DNAH7: variants seen among roughly 807,000 people sequenced by gnomAD.
The protein encoded by DNAH7 is dynein axonemal heavy chain 7.
In DNAH7, 397 loss-of-function variants were observed where a neutral mutation model predicts 444.6. The observed-to-expected ratio is 0.89, with a 90% CI of 0.82 to 0.97. The LOEUF (loss-of-function observed/expected upper bound fraction) is 0.97. DNAH7 is among the 50% of genes least tolerant of loss of function. The pLI is 0.00. For missense variants in DNAH7, 4,902 were observed against 4,800.8 expected, an observed-to-expected ratio of 1.02 and a Z score of -0.62; for synonymous variants, 1,636 against 1,624.4, an observed-to-expected ratio of 1.01 and a Z score of -0.17.
At chr2:195,781,704 A>G (rs980896880) in intron 58 of DNAH7, among the ~76,000 whole-genome samples, 3 of 150,668 alleles carry the variant, frequency 2.0e-5, no homozygotes, top group African/African-American at 7.3e-5. Flanking sequence ...TAGTTATCAA[A>G]AAGGGGAAAT....
chr2:195,795,059 G>A (rs1696070146), intron 56 of DNAH7, among the ~76,000 whole-genome samples: 4 of 152,132 alleles, frequency 2.6e-5, no homozygotes, highest in Non-Finnish European at 5.9e-5. Context: ...GGAGACAGAT[G>A]AACCATAAGC....
chr2:196,033,111 A>T (rs1696163034), intron 5 of DNAH7, among the ~76,000 whole-genome samples: 1 of 151,806 alleles, frequency 6.6e-6, no homozygotes, highest in African/African-American at 2.4e-5. Flanking sequence ...AAAGATATCT[A>T]TTTCCTTTAC....
At chr2:195,964,257 T>C (rs912922077) in intron 17 of DNAH7, among the ~76,000 whole-genome samples, 4 of 152,336 alleles carry the variant, frequency 2.6e-5, no homozygotes, top group African/African-American at 9.6e-5. Flanking sequence ...TTTAACAATA[T>C]TGATTCTTCA....
intron 22 of DNAH7, 73 bp from the exon 23 acceptor site, chr2:195,923,880 G>C: frequency 8.1e-7 from 1 of 1,228,888 alleles, no homozygotes; most frequent in South Asian, 1.3e-5. Flanking sequence ...TTCTGAACTA[G>C]TATATATACA....
intron 30 of DNAH7, chr2:195,894,729 G>A: frequency 3.7e-6 from 1 of 268,052 alleles, no homozygotes; most frequent in East Asian, 7.0e-5. Flanking sequence ...TTCTACAAGA[G>A]ACATGTATTA....
intron 49 of DNAH7, 69 bp from the exon 50 acceptor site, chr2:195,817,898 A>G: frequency 8.1e-7 from 1 of 1,234,642 alleles, no homozygotes; most frequent in South Asian, 1.6e-5. Flanking sequence ...TTTATGTGTC[A>G]AGTTCTGCCC....
rs779989120 is a variant in DNAH7 at position 195,906,699 on chromosome 2, G to T, written c.4295C>A (p.Pro1432His). The change falls in exon 27 of 65, where the codon CCT becomes CAT. Residue 1432 changes from proline to histidine, a missense_variant. By Grantham distance (77) the Pro-to-His change is moderately conservative. Coordinates refer to ENST00000312428, the MANE Select transcript of DNAH7 (RefSeq NM_018897.3). ...PTCAVFITMNPGYAGRSELPD... is the reference protein window; with the variant it reads ...PTCAVFITMNHGYAGRSELPD... Reference sequence around the variant, plus strand: ...CAGTTCTGATCGCCCAGCATACCCAGGGTTCATTGTTATAAAGACAGCACA... The same window carrying T: ...CAGTTCTGATCGCCCAGCATACCCATGGTTCATTGTTATAAAGACAGCACA... The T allele has an allele frequency of 6.2e-7, 1 of 1,613,152 alleles. No individual in the cohort carries two copies. The highest frequency in any genetic ancestry group is 8.5e-7 in the Non-Finnish European group (1 of 1,179,500).
At chr2:196,015,864 C>A (rs1018504949) in intron 9 of DNAH7, among the ~76,000 whole-genome samples, 1 of 152,268 alleles carries the variant, frequency 6.6e-6, no homozygotes, top group Admixed American at 6.5e-5. Context: ...ACTGTCCCCC[C>A]ACTCTTAATA....
At chr2:195,790,186 C>G (rs1165609651) in intron 57 of DNAH7, among the ~76,000 whole-genome samples, 2 of 152,034 alleles carry the variant, frequency 1.3e-5, no homozygotes, top group African/African-American at 4.8e-5. Flanking sequence ...GTGACCTAAA[C>G]AAATGGAAAA....
chr2:195,893,059 G>C (rs1702110944), intron 30 of DNAH7: 1 of 151,110 alleles, frequency 6.6e-6, no homozygotes, highest in South Asian at 2.1e-4. Flanking sequence ...TCTCACCTCA[G>C]CCTCCTGAGT....
At chr2:195,948,052 G>C (rs1361757512) in intron 19 of DNAH7, among the ~76,000 whole-genome samples, 1 of 152,122 alleles carries the variant, frequency 6.6e-6, no homozygotes, top group Non-Finnish European at 1.5e-5. Context: ...CAGTGATAAT[G>C]AGCTTTTTTT....
chr2:195,737,801 T>C lies in DNAH7; in HGVS notation c.*120A>G. ...CTGCATTTGCTCATAAGTAAATTCA[T>C]AATTATAACTTTAGTCAAATGTATT... On this transcript the variant is annotated 3_prime_UTR_variant, in exon 65 of 65. Coordinates refer to ENST00000312428, the MANE Select transcript of DNAH7 (RefSeq NM_018897.3). The C allele has an allele frequency of 1.2e-6, 1 of 846,224 alleles. No homozygotes were observed. The highest frequency in any genetic ancestry group is 1.8e-6 in the Non-Finnish European group (1 of 556,096). The allele number at this position is 846,224 out of a possible 1,614,324, so 52.4% of individuals were successfully genotyped here.
At chr2:195,763,100 T>G (rs1410081959) in intron 61 of DNAH7, among the ~76,000 whole-genome samples, 1 of 152,094 alleles carries the variant, frequency 6.6e-6, no homozygotes, top group African/African-American at 2.4e-5. Flanking sequence ...AACAATATGC[T>G]CCTGAAGACC....
chr2:195,767,795 GCT>G (rs1344124353), intron 61 of DNAH7, among the ~76,000 whole-genome samples: 1 of 151,688 alleles, frequency 6.6e-6, no homozygotes, highest in Non-Finnish European at 1.5e-5. Flanking sequence ...TAAAATGATT[GCT>G]CTGTATTCTT....
intron 46 of DNAH7, among the ~76,000 whole-genome samples, chr2:195,852,919 G>GC (rs1699467062): frequency 8.2e-6 from 1 of 121,804 alleles, no homozygotes; most frequent in Admixed American, 8.5e-5. Flanking sequence ...CACACACAGA[G>GC]AGAGAGAGAG....
chr2:195,933,306 G>C (rs1387135701), intron 21 of DNAH7, among the ~76,000 whole-genome samples: 1 of 152,198 alleles, frequency 6.6e-6, no homozygotes, highest in East Asian at 1.9e-4. Flanking sequence ...TGGCGGGACT[G>C]TAAACTAGTT....
intron 3 of DNAH7, among the ~76,000 whole-genome samples, chr2:196,050,088 T>A (rs1184882710): frequency 6.6e-6 from 1 of 152,258 alleles, no homozygotes; most frequent in South Asian, 2.1e-4. Flanking sequence ...TAAGCGAAAC[T>A]GTCCTTCATT....
In DNAH7 at chr2:195,938,344, TCACACA is replaced by T. The variant is rs68056425; in HGVS notation, c.3079-1558_3079-1553del. On this transcript the variant is annotated intron_variant, in intron 19 of 64. Transcript: ENST00000312428. ...CTTGTTTTATGTTTCAAATAGACAT[TCACACA>T]CACACACACACACACACACACACAC... is the stretch of plus-strand genomic sequence containing the variant. Among the ~76,000 whole-genome samples, 1,032 of 134,158 alleles carry T rather than the reference TCACACA, an allele frequency of 7.7e-3. 4 individuals are homozygous for T. The highest frequency in any genetic ancestry group is 0.024 in the African/African-American group (921 of 37,842). 88.0% of individuals were successfully genotyped at this position (134,158 alleles called of 152,430 possible). A position where few individuals can be genotyped will look rare whatever the true frequency, so the allele number is the denominator to read the frequency against.
intron 59 of DNAH7, among the ~76,000 whole-genome samples, chr2:195,777,067 T>C (rs1695097509): frequency 6.6e-6 from 1 of 152,228 alleles, no homozygotes; most frequent in Non-Finnish European, 1.5e-5. Context: ...TTGGCTAGCA[T>C]TAATCCTAGT....
Sources: allele counts gnomAD v4.1 joint callset (sites outside exome capture counted in the v4.1 genomes callset), GRCh38; gene constraint gnomAD v4.1.1; transcripts MANE v1.5; gene names NCBI Gene and HGNC (gene_info 2026-07-23, HGNC 2026-07-21).